The following ARHGAP15 variants were observed in gnomAD, a reference collection of about 807,000 sequenced individuals.
The protein encoded by ARHGAP15 is rho GTPase-activating protein 15.
Under a neutral mutation model 63.7 loss-of-function variants are expected in ARHGAP15, and 51 were observed. The ratio of observed to expected loss-of-function variants is 0.80; its 90% CI spans 0.64 to 1.01. The LOEUF is 1.01. Ranked by LOEUF, ARHGAP15 falls within the 50% of genes least tolerant of loss-of-function variation. The probability of loss-of-function intolerance (pLI) is 0.00; values close to 1 mark genes in which losing one functional copy is unlikely to be tolerated. For synonymous variants in ARHGAP15, 191 were observed against 193.8 expected (o/e 0.99, Z 0.12); for missense variants, 560 against 564.6 (o/e 0.99, Z 0.08).
chr2:143,335,006 T>G (rs1221048813), intron 6 of ARHGAP15, among the ~76,000 whole-genome samples: 1 of 152,228 alleles, frequency 6.6e-6, no homozygotes, highest in Non-Finnish European at 1.5e-5. Context: ...AGTGAGTTTT[T>G]ATAATGTCAT....
intron 13 of ARHGAP15, among the ~76,000 whole-genome samples, chr2:143,723,673 A>T (rs1398530943): frequency 2.0e-5 from 3 of 152,150 alleles, no homozygotes; most frequent in Non-Finnish European, 4.4e-5. Context: ...CTTATCACAC[A>T]TCGGTCAACT....
At chr2:143,662,924 C>A (rs1043999603) in intron 12 of ARHGAP15, among the ~76,000 whole-genome samples, 1 of 144,590 alleles carries the variant, frequency 6.9e-6, no homozygotes, top group African/African-American at 2.6e-5. Context: ...GTGAAAAGAC[C>A]AACTCTACGT....
At chr2:143,328,340 CA>C (rs554453545) in intron 6 of ARHGAP15, among the ~76,000 whole-genome samples, 12 of 152,252 alleles carry the variant, frequency 7.9e-5, no homozygotes, top group Admixed American at 2.0e-4. Flanking sequence ...GGAACCAACC[CA>C]AATGTCCATT....
intron 13 of ARHGAP15, among the ~76,000 whole-genome samples, chr2:143,763,871 T>G (rs1435271055): frequency 6.6e-6 from 1 of 150,420 alleles, no homozygotes; most frequent in Non-Finnish European, 1.5e-5. Context: ...GCCTGTGTTC[T>G]ATATAATACT....
At chr2:143,410,754 G>C (rs1688406545) in intron 6 of ARHGAP15, among the ~76,000 whole-genome samples, 1 of 150,964 alleles carries the variant, frequency 6.6e-6, no homozygotes, top group African/African-American at 2.4e-5. Flanking sequence ...ATTTAAATAG[G>C]GTGGCCAGAG....
At chr2:143,514,432 A>G (rs548598148) in intron 9 of ARHGAP15, among the ~76,000 whole-genome samples, 1 of 152,346 alleles carries the variant, frequency 6.6e-6, no homozygotes, top group East Asian at 1.9e-4. Flanking sequence ...CTGAGGATTG[A>G]AATTAAACTG....
At chr2:143,307,575 C>T (rs1683231367) in intron 6 of ARHGAP15, among the ~76,000 whole-genome samples, 1 of 151,918 alleles carries the variant, frequency 6.6e-6, no homozygotes, top group African/African-American at 2.4e-5. Flanking sequence ...TCCCATATTA[C>T]AAATTGAATA....
In ARHGAP15 at chr2:143,527,352, T is replaced by C. The variant is rs772601692; in HGVS notation, c.925+7988T>C. On this transcript the variant is annotated intron_variant, in intron 10 of 13. Coordinates refer to ENST00000295095, the MANE Select transcript of ARHGAP15 (RefSeq NM_018460.4). Reference sequence around the variant, plus strand: ...TTCCTCTAAATTCTTTGGGAGGTTATCTTATAGACGAGTAGGCTATACAGT... The same window carrying C: ...TTCCTCTAAATTCTTTGGGAGGTTACCTTATAGACGAGTAGGCTATACAGT... Among the ~76,000 whole-genome samples the C allele has an allele frequency of 1.1e-4, 17 of 152,074 alleles. 1 individual carries two copies. Among genetic ancestry groups the C allele is most frequent in the Non-Finnish European group, 2.5e-4 (17 of 67,956 alleles).
chr2:143,684,751 T>C (rs1683251969), intron 12 of ARHGAP15, among the ~76,000 whole-genome samples: 1 of 152,234 alleles, frequency 6.6e-6, no homozygotes, highest in Admixed American at 6.5e-5. Flanking sequence ...AATTTCGTTT[T>C]TATAGAGAAA....
At chr2:143,363,472 A>G (rs1178292327) in intron 6 of ARHGAP15, among the ~76,000 whole-genome samples, 1 of 152,160 alleles carries the variant, frequency 6.6e-6, no homozygotes, top group Non-Finnish European at 1.5e-5. Flanking sequence ...TCTGGCCTGG[A>G]TAACAGAGCA....
intron 10 of ARHGAP15, among the ~76,000 whole-genome samples, chr2:143,520,636 C>T (rs1694020599): frequency 6.6e-6 from 1 of 152,122 alleles, no homozygotes; most frequent in African/African-American, 2.4e-5. Context: ...GTTGCAATTT[C>T]ATTTAATTTT....
At chr2:143,760,177 C>T (rs1292172017) in intron 13 of ARHGAP15, among the ~76,000 whole-genome samples, 1 of 152,072 alleles carries the variant, frequency 6.6e-6, no homozygotes, top group East Asian at 1.9e-4. Context: ...ATGGTTACAT[C>T]GAGTTCCCAG....
chr2:143,554,067 C>T (rs1469524494), intron 10 of ARHGAP15, among the ~76,000 whole-genome samples: 1 of 152,052 alleles, frequency 6.6e-6, no homozygotes, highest in Non-Finnish European at 1.5e-5. Context: ...TTTTTAAAAA[C>T]ACACAATGTT....
At chr2:143,466,268 T>A (rs1334817089) in intron 8 of ARHGAP15, among the ~76,000 whole-genome samples, 1 of 152,056 alleles carries the variant, frequency 6.6e-6, no homozygotes, top group African/African-American at 2.4e-5. Context: ...TTGGAAACAA[T>A]TGGCTTTTAT....
At chr2:143,216,559 T>C (rs561448592) in intron 4 of ARHGAP15, 114 bp downstream of exon 4, 1 of 692,596 alleles carries the variant, frequency 1.4e-6, no homozygotes, top group East Asian at 2.6e-5. Context: ...ACTAGAACAG[T>C]CTCCTCTGCT....
chr2:143,455,135 G>T (rs547737188), intron 8 of ARHGAP15, among the ~76,000 whole-genome samples: 2 of 152,024 alleles, frequency 1.3e-5, no homozygotes, highest in East Asian at 3.9e-4. Flanking sequence ...CCATAGAGCC[G>T]TTCTGAGGGC....
intron 6 of ARHGAP15, among the ~76,000 whole-genome samples, chr2:143,301,587 A>G (rs1682897050): frequency 6.6e-6 from 1 of 151,950 alleles, no homozygotes; most frequent in South Asian, 2.1e-4. Context: ...GGATATTTTT[A>G]AGCGTGAAAC....
chr2:143,442,621 G>A (rs114163107), intron 8 of ARHGAP15, among the ~76,000 whole-genome samples: 2,486 of 152,258 alleles, frequency 0.016, 64 homozygotes, highest in African/African-American at 0.055. Flanking sequence ...TTAATGGGAA[G>A]TGAGTCCTTA....
At chr2:143,498,324 G>A (rs1014502456) in intron 9 of ARHGAP15, among the ~76,000 whole-genome samples, 3 of 152,056 alleles carry the variant, frequency 2.0e-5, no homozygotes, top group African/African-American at 7.2e-5. Context: ...TTGTAAAAGT[G>A]CTATTCCTGC....
Sources: gnomAD v4.1 joint callset for allele counts (sites outside exome capture counted in the v4.1 genomes callset) on GRCh38, gnomAD v4.1.1 for gene constraint, MANE v1.5 for transcripts, NCBI Gene and HGNC (gene_info 2026-07-23, HGNC 2026-07-21) for gene names.